Variants in NOM1 observed in about 807,000 individuals in gnomAD.
The protein encoded by NOM1 is nucleolar protein with MIF4G domain 1, also known as nucleolar MIF4G domain-containing protein 1.
Under a neutral mutation model 73.3 loss-of-function variants are expected in NOM1, and 58 were observed. That is an observed-to-expected ratio of 0.79 (90% CI 0.64 to 0.99). The LOEUF is 0.99. Among genes scored for constraint, NOM1 ranks in the 50% least tolerant of loss-of-function variants. The pLI, the probability that NOM1 is intolerant of heterozygous loss-of-function variation, is 0.00. For synonymous variants in NOM1, 487 were observed against 446.8 expected (o/e 1.09, Z -1.14); for missense variants, 1,226 against 1,131.9 (o/e 1.08, Z -1.19).
At chr7:156,966,547 A>G (rs933381468) in intron 8 of NOM1, 145 bp downstream of exon 8, 2 of 942,986 alleles carry the variant, frequency 2.1e-6, no homozygotes, top group African/African-American at 3.3e-5. Context: ...CTGCCAGGCC[A>G]CCTTCACTGG....
At chr7:156,954,911 T>A (rs551842963) in intron 3 of NOM1, among the ~76,000 whole-genome samples, 2 of 152,332 alleles carry the variant, frequency 1.3e-5, no homozygotes, top group Admixed American at 6.5e-5. Context: ...TAACACTGAT[T>A]TATTTCAGAT....
Position 156,963,087 on chromosome 7 carries a change from G to C in NOM1, c.1823G>C (p.Arg608Pro). 1 of 1,614,208 alleles carries C rather than the reference G, an allele frequency of 6.2e-7. No individual in the cohort carries two copies. The highest frequency in any genetic ancestry group is 2.2e-5 in the East Asian group (1 of 44,884). Residue 608 changes from arginine (R) to proline (P), a missense_variant, in exon 6 of 11, where the codon CGC becomes CCC. Coordinates refer to ENST00000275820, the MANE Select transcript of NOM1 (RefSeq NM_138400.2). ...GTCTTGAGTGCGGAGCAGACGGGTC[G>C]CTGGTGGATTGTGGGGTCCGCCTGG... is the stretch of plus-strand genomic sequence containing the variant. Reference protein sequence around the residue: ...DSVLSAEQTGRWWIVGSAWSG... With the variant: ...DSVLSAEQTGPWWIVGSAWSG...
At position 156,950,267 on chromosome 7, in the gene NOM1, C is replaced by T; in HGVS notation, c.530C>T (p.Ala177Val). The stretch of plus-strand genomic sequence containing the variant: ...GCTGCCCGGAAACGGGCGCTTTTAG[C>T]GGCGAACGAGGAGGAGGACCGAGAG... ...TAAARKRALL[A>V]ANEEEDREIR... The change falls in exon 1 of 11, where the codon GCG (alanine) becomes GTG (valine). Residue 177 changes from alanine (A) to valine (V), a missense_variant. Transcript: ENST00000275820. The T allele has an allele frequency of 6.2e-7, 1 of 1,613,826 alleles. No individual in the cohort carries two copies.
At chr7:156,966,722 A>G (rs1403210061) in intron 8 of NOM1, among the ~76,000 whole-genome samples, 1 of 152,068 alleles carries the variant, frequency 6.6e-6, no homozygotes, top group Non-Finnish European at 1.5e-5. Flanking sequence ...CCTTTTCCTT[A>G]GAATGTTCTG....
In NOM1 at chr7:156,971,081, G is replaced by A. The variant is rs1563689128; in HGVS notation, c.*1378G>A. 1 of 152,200 alleles carries A rather than the reference G, an allele frequency of 6.6e-6. No homozygotes were observed. Among genetic ancestry groups the A allele is most frequent in the Non-Finnish European group, 1.5e-5 (1 of 68,040 alleles). The allele number at this position is 152,200 out of a possible 1,614,324, so 9.4% of individuals were successfully genotyped here. ...AAGTATGGAAAACTGATTCTGGGAG[G>A]AAGCAGAAATGTCCCTAGATAACAG... On this transcript the variant is annotated 3_prime_UTR_variant, in exon 11 of 11. Coordinates refer to ENST00000275820, the MANE Select transcript of NOM1 (RefSeq NM_138400.2).
chr7:156,966,863 T>A (rs55701040), intron 8 of NOM1, 98 bp from the exon 9 acceptor site: 83,100 of 1,293,872 alleles, frequency 0.064, 2,833 homozygotes, highest in Middle Eastern at 0.085. Context: ...ATATTAAAAA[T>A]AAGATAATAA....
chr7:156,966,298 G>A lies in NOM1; in HGVS notation c.2062G>A (p.Glu688Lys). The change falls in exon 8 of 11, where the codon GAA becomes AAA. Residue 688 changes from glutamate to lysine, a missense_variant. Glu to Lys is a moderately conservative substitution (Grantham distance 56). Transcript: ENST00000275820. ...KLGLKDQQER[E>K]IIHVLMDCCL... ...TGGACTTAAGGATCAGCAGGAGAGA[G>A]AAATCATTCACGTTCTCATGGATTG... 1 of 1,614,118 alleles carries A rather than the reference G, an allele frequency of 6.2e-7. No individual in the cohort carries two copies. Among genetic ancestry groups the A allele is most frequent in the Non-Finnish European group, 8.5e-7 (1 of 1,180,024 alleles).
intron 3 of NOM1, among the ~76,000 whole-genome samples, chr7:156,957,798 AAAG>A (rs1804764825): frequency 6.6e-6 from 1 of 150,662 alleles, no homozygotes; most frequent in Non-Finnish European, 1.5e-5. Flanking sequence ...AAAAAAAAAA[AAAG>A]AAAAAGAAAA....
At chr7:156,957,886 T>C (rs895272783) in intron 3 of NOM1, among the ~76,000 whole-genome samples, 3 of 152,250 alleles carry the variant, frequency 2.0e-5, no homozygotes, top group African/African-American at 7.2e-5. Flanking sequence ...AAAATTATAT[T>C]TGACTATAAC....
chr7:156,960,519 CTG>C (rs1804838272), intron 4 of NOM1, among the ~76,000 whole-genome samples: 1 of 152,178 alleles, frequency 6.6e-6, no homozygotes, highest in African/African-American at 2.4e-5. Flanking sequence ...GTTTCCCCCT[CTG>C]TAAAACAGGG....
chr7:156,951,348 C>A (rs11773837), intron 1 of NOM1, among the ~76,000 whole-genome samples: 28,702 of 151,938 alleles, frequency 0.19, 2,860 homozygotes, highest in East Asian at 0.29. Flanking sequence ...GATCGCGCTA[C>A]TGCACTCTAG....
At chr7:156,952,336 A>G (rs914450582) in intron 1 of NOM1, 138 bp from the exon 2 acceptor site, 5 of 851,658 alleles carry the variant, frequency 5.9e-6, no homozygotes, top group Non-Finnish European at 9.1e-6. Flanking sequence ...AATAAATCTG[A>G]TGTATTTAAG....
In NOM1 at chr7:156,966,393, G is replaced by A. The variant is rs773787260; in HGVS notation, c.2157G>A (p.Arg719=). The change falls in exon 8 of 11, where the codon AGG becomes AGA. Residue 719 remains arginine (R), a synonymous_variant. Coordinates refer to ENST00000275820, the MANE Select transcript of NOM1 (RefSeq NM_138400.2). ...FLASKFCEYE[R]RFQMTFQFSI... is the part of the protein sequence containing the mutation. ...CTAGCAAATTCTGTGAATATGAAAGGAGATTTCAGGTAGCTTAGTGCGGAG... is the reference window on the plus strand; with the variant it reads ...CTAGCAAATTCTGTGAATATGAAAGAAGATTTCAGGTAGCTTAGTGCGGAG... 5.6e-6 allele frequency: 9 copies of A among 1,614,048 alleles called. No homozygotes were observed. The highest frequency in any genetic ancestry group is 1.3e-5 in the African/African-American group (1 of 75,048).
At chr7:156,961,527 C>T (rs1804863947) in intron 4 of NOM1, among the ~76,000 whole-genome samples, 1 of 152,042 alleles carries the variant, frequency 6.6e-6, no homozygotes, top group African/African-American at 2.4e-5. Flanking sequence ...CTTGGAGTTT[C>T]TCTTCTGGGG....
intron 3 of NOM1, among the ~76,000 whole-genome samples, chr7:156,954,805 C>A (rs1319307197): frequency 6.6e-6 from 1 of 152,192 alleles, no homozygotes; most frequent in East Asian, 1.9e-4. Flanking sequence ...CCATGCCCAG[C>A]CCTGTTCTGT....
At chr7:156,962,783 T>C (rs1804897731) in intron 5 of NOM1, among the ~76,000 whole-genome samples, 1 of 152,120 alleles carries the variant, frequency 6.6e-6, no homozygotes, top group Non-Finnish European at 1.5e-5. Context: ...GGGACAGCTT[T>C]CCAAACACAG....
rs756243178 is a variant in NOM1 at position 156,963,993 on chromosome 7, A to G, written c.2000A>G (p.Glu667Gly). The G allele has an allele frequency of 6.2e-7, 1 of 1,613,874 alleles. No homozygotes were observed. The highest frequency in any genetic ancestry group is 8.5e-7 in the Non-Finnish European group (1 of 1,179,906). ...RNIFCTIMTS[E>G]DFLDAFEKLL... Reference sequence around the variant, plus strand: ...ATATTCTGCACAATAATGACAAGTGAAGATTTTTTGGATGCTTTTGAAAAG... The same window carrying G: ...ATATTCTGCACAATAATGACAAGTGGAGATTTTTTGGATGCTTTTGAAAAG... Residue 667 changes from glutamate to glycine, a missense_variant, in exon 7 of 11, where the codon GAA becomes GGA. Coordinates refer to ENST00000275820, the MANE Select transcript of NOM1 (RefSeq NM_138400.2).
chr7:156,954,052 A>G, intron 2 of NOM1, 51 bp from the exon 3 acceptor site: 4 of 1,519,066 alleles, frequency 2.6e-6, no homozygotes, highest in Non-Finnish European at 3.6e-6. Flanking sequence ...ATTGAACTGA[A>G]AATTCCTAAT....
Position 156,963,891 on chromosome 7 carries a change from C to G in NOM1, c.1912-14C>G. The G allele has an allele frequency of 6.2e-7, 1 of 1,609,464 alleles. No individual in the cohort carries two copies. The highest frequency in any genetic ancestry group is 8.5e-7 in the Non-Finnish European group (1 of 1,177,792). On this transcript the variant is annotated splice_polypyrimidine_tract_variant and intron_variant, in intron 6 of 10. Coordinates refer to ENST00000275820, the MANE Select transcript of NOM1 (RefSeq NM_138400.2). ...GAGACATGCGTATGACTTGTCCATT[C>G]ATCGTGCTTCCAGGTCAGTTCAAAG...
Sources: allele counts gnomAD v4.1 joint callset (sites outside exome capture counted in the v4.1 genomes callset), GRCh38; gene constraint gnomAD v4.1.1; transcripts MANE v1.5; gene names NCBI Gene and HGNC (gene_info 2026-07-23, HGNC 2026-07-21).